The following FRMD6 variants were observed in gnomAD, a reference collection of about 807,000 sequenced individuals.
The protein encoded by FRMD6 is FERM domain-containing protein 6.
A neutral mutation model predicts 73.2 loss-of-function variants in FRMD6; 37 were observed. That is an observed-to-expected ratio of 0.51 (90% confidence interval 0.39 to 0.66). The LOEUF (loss-of-function observed/expected upper bound fraction) is 0.66. FRMD6 is among the 30% of genes least tolerant of loss of function. The pLI is 0.00. For synonymous variants in FRMD6, 273 were observed against 282.2 expected (o/e 0.97, Z 0.33); for missense variants, 714 against 780.5 (o/e 0.91, Z 1.02).
intron 1 of FRMD6, among the ~76,000 whole-genome samples, chr14:51,560,190 G>A (rs1260257889): frequency 6.6e-6 from 1 of 152,156 alleles, no homozygotes; most frequent in Non-Finnish European, 1.5e-5. Context: ...ATTGAGGTGT[G>A]AGAAGGCAGA....
At chr14:51,564,639 C>T (rs1025899789) in intron 1 of FRMD6, among the ~76,000 whole-genome samples, 7 of 152,158 alleles carry the variant, frequency 4.6e-5, no homozygotes, top group African/African-American at 1.7e-4. Flanking sequence ...TTCTGAAAAG[C>T]AGCACAACAG....
At chr14:51,487,010 C>G (rs1304432826), upstream of FRMD6, among the ~76,000 whole-genome samples, 1 of 150,438 alleles carries the variant, frequency 6.6e-6, no homozygotes, top group Non-Finnish European at 1.5e-5. Context: ...TACCTGGGAA[C>G]TTGTTGGAAA....
intron 3 of FRMD6, among the ~76,000 whole-genome samples, chr14:51,700,147 T>C (rs1255465323): frequency 6.6e-6 from 1 of 151,968 alleles, no homozygotes; most frequent in Non-Finnish European, 1.5e-5. Flanking sequence ...ACAGGTACAT[T>C]TTTATGCAGA....
At chr14:51,650,631 G>C (rs1469333481), upstream of FRMD6, 1 of 151,100 alleles carries the variant, frequency 6.6e-6, no homozygotes, top group Non-Finnish European at 1.5e-5. Context: ...TCCTGACCTC[G>C]TGATCCGCCC....
intron 10 of FRMD6, among the ~76,000 whole-genome samples, chr14:51,717,604 T>C (rs1341504776): frequency 1.3e-5 from 2 of 152,202 alleles, no homozygotes; most frequent in Admixed American, 6.5e-5. Context: ...TAGTTTCTTC[T>C]ACTTAGGGGT....
At chr14:51,505,135 T>C (rs1454487611) in intron 1 of FRMD6, among the ~76,000 whole-genome samples, 1 of 152,190 alleles carries the variant, frequency 6.6e-6, no homozygotes, top group Admixed American at 6.5e-5. Context: ...TTGTTAGGAC[T>C]TGAGAGAACT....
At chr14:51,590,062 CAAAAAAAAAAA>C (rs529602796) in intron 2 of FRMD6, among the ~76,000 whole-genome samples, 1 of 82,596 alleles carries the variant, frequency 1.2e-5, no homozygotes, top group Non-Finnish European at 2.9e-5. Context: ...GAGCGAAACT[CAAAAAAAAAAA>C]AAAAAAAAAA....
chr14:51,625,226 A>T (rs1309840345), intron 2 of FRMD6, among the ~76,000 whole-genome samples: 1 of 152,164 alleles, frequency 6.6e-6, no homozygotes, highest in Non-Finnish European at 1.5e-5. Flanking sequence ...AGCAATCTGC[A>T]TATTTAGAAT....
rs115633018 is a variant in FRMD6 at position 51,644,869 on chromosome 14, C to T, written c.-146-44822C>T. Among the ~76,000 whole-genome samples, 738 of 152,302 alleles carry T rather than the reference C, an allele frequency of 4.8e-3. 5 individuals carry two copies. Among genetic ancestry groups the T allele is most frequent in the African/African-American group, 0.017 (687 of 41,560 alleles). On this transcript the variant is annotated intron_variant, in intron 2 of 14. Transcript: ENST00000356218. ...GTTTTTACAAGAGAGCGTATTTCCT[C>T]GCCCCCAGTCTTCCTCTTGAAGCTA...
At chr14:51,538,320 A>T (rs1033785677) in intron 1 of FRMD6, among the ~76,000 whole-genome samples, 1 of 151,716 alleles carries the variant, frequency 6.6e-6, no homozygotes, top group Non-Finnish European at 1.5e-5. Flanking sequence ...CTTATCTATG[A>T]TATGAGAATA....
chr14:51,701,930 C>T (rs560080686), intron 4 of FRMD6, among the ~76,000 whole-genome samples: 1 of 152,024 alleles, frequency 6.6e-6, no homozygotes, highest in South Asian at 2.1e-4. Flanking sequence ...ATTTCATTTA[C>T]ATGAGAGAAC....
chr14:51,544,828 C>T (rs1409510407), intron 1 of FRMD6, among the ~76,000 whole-genome samples: 1 of 151,952 alleles, frequency 6.6e-6, no homozygotes, highest in East Asian at 1.9e-4. Context: ...AACATCTCAT[C>T]AGTTATAATT....
intron 3 of FRMD6, among the ~76,000 whole-genome samples, chr14:51,699,240 G>A (rs1333336961): frequency 6.6e-6 from 1 of 152,010 alleles, no homozygotes; most frequent in Non-Finnish European, 1.5e-5. Context: ...TCAGCCATTT[G>A]CTCTTCAGTT....
chr14:51,461,587 G>T, the FRMD6 span, among the ~76,000 whole-genome samples: 1 of 152,190 alleles, frequency 6.6e-6, no homozygotes. Flanking sequence ...AGGAGTTACT[G>T]GTCTTTTGAT....
rs143870406 is a variant in FRMD6, at chr14:51,541,378, G to A, written c.-209-28970G>A. Among the ~76,000 whole-genome samples the A allele has an allele frequency of 2.6e-5, 4 of 152,156 alleles. No homozygotes were observed. The East Asian group carries it at 5.8e-4, about 22-fold the overall frequency. On this transcript the variant is annotated intron_variant, in intron 1 of 14. Coordinates refer to the FRMD6 transcript ENST00000356218. ...ACTGAAGTACTCATCTAGATTCTGGGAAAAGGGCAATGAATAACACACAAA... is the reference window on the plus strand; with the variant it reads ...ACTGAAGTACTCATCTAGATTCTGGAAAAAGGGCAATGAATAACACACAAA...
At chr14:51,597,759 T>C (rs1371397957) in intron 2 of FRMD6, among the ~76,000 whole-genome samples, 1 of 151,974 alleles carries the variant, frequency 6.6e-6, no homozygotes, top group African/African-American at 2.4e-5. Flanking sequence ...AAGAAGGGGG[T>C]AAAGAAATTC....
chr14:51,398,306 C>T, the FRMD6 span, among the ~76,000 whole-genome samples: 3 of 152,084 alleles, frequency 2.0e-5, no homozygotes, highest in East Asian at 1.9e-4. Context: ...GATCCCCTCC[C>T]GTGAACACAT....
chr14:51,529,966 C>T (rs915377461), intron 1 of FRMD6, among the ~76,000 whole-genome samples: 16 of 152,202 alleles, frequency 1.1e-4, no homozygotes, highest in Non-Finnish European at 2.4e-4. Flanking sequence ...TGGTGGCCAT[C>T]TGGCTACAGG....
At chr14:51,666,926 G>T (rs148802832) in intron 1 of FRMD6, among the ~76,000 whole-genome samples, 1 of 152,164 alleles carries the variant, frequency 6.6e-6, no homozygotes, top group African/African-American at 2.4e-5. Context: ...CTGGAGCCCC[G>T]AAGTTTGAGA....
Sources: gnomAD v4.1 joint callset for allele counts (sites outside exome capture counted in the v4.1 genomes callset) on GRCh38, gnomAD v4.1.1 for gene constraint, MANE v1.5 for transcripts, NCBI Gene and HGNC (gene_info 2026-07-23, HGNC 2026-07-21) for gene names.